XRCC6: variants seen among roughly 807,000 people sequenced by gnomAD.
The protein encoded by XRCC6 is DNA repair protein Ku70.
XRCC6 carries 5 observed loss-of-function variants against 65.7 expected under a neutral mutation model. That is an observed-to-expected ratio of 0.08 (90% CI 0.04 to 0.16). The LOEUF (loss-of-function observed/expected upper bound fraction) is 0.16. Among genes scored for constraint, XRCC6 ranks in the 10% least tolerant of loss-of-function variants. The pLI is 1.00. For synonymous variants in XRCC6, 270 were observed against 270.6 expected, an observed-to-expected ratio of 1.00 and a Z score of 0.02; for missense variants, 447 against 738.1, an observed-to-expected ratio of 0.61 and a Z score of 4.57.
chr22:41,635,832 A>T (rs2067803618), intron 3 of XRCC6, among the ~76,000 whole-genome samples: 1 of 152,154 alleles, frequency 6.6e-6, no homozygotes, highest in African/African-American at 2.4e-5. Context: ...GATGTGAGCC[A>T]CTGTGCCTGG....
chr22:41,653,331 G>A (rs184838486), intron 8 of XRCC6, among the ~76,000 whole-genome samples, 198 bp from the exon 9 acceptor site: 6 of 152,282 alleles, frequency 3.9e-5, no homozygotes, highest in Admixed American at 2.6e-4. Context: ...TTGAGCTTGG[G>A]AGGTCAAGGC....
intron 3 of XRCC6, among the ~76,000 whole-genome samples, chr22:41,630,933 A>G (rs2067736578): frequency 6.6e-6 from 1 of 152,216 alleles, no homozygotes; most frequent in South Asian, 2.1e-4. Context: ...TCTATTCCAC[A>G]AAACCACCAT....
intron 12 of XRCC6, chr22:41,661,757 AAGG>A (rs2068101865): frequency 1.7e-5 from 4 of 229,916 alleles, no homozygotes; most frequent in Admixed American, 5.5e-5. Flanking sequence ...ACCCAAAAGA[AAGG>A]AGATCAATAT....
At chr22:41,649,771 C>T (rs888896160) in intron 7 of XRCC6, among the ~76,000 whole-genome samples, 4 of 151,456 alleles carry the variant, frequency 2.6e-5, no homozygotes, top group Admixed American at 2.6e-4. Flanking sequence ...AGGAGAATGG[C>T]GTGAACCCCG....
intron 2 of XRCC6, among the ~76,000 whole-genome samples, chr22:41,627,406 T>TCC (rs2147067604): frequency 6.7e-6 from 1 of 150,268 alleles, no homozygotes; most frequent in Admixed American, 6.7e-5. Flanking sequence ...AGGCCGGGAG[T>TCC]TCAAGACCAA....
chr22:41,634,915 C>G (rs543404984), intron 3 of XRCC6, among the ~76,000 whole-genome samples: 7 of 152,278 alleles, frequency 4.6e-5, no homozygotes, highest in South Asian at 2.1e-4. Flanking sequence ...TAGACCTTTC[C>G]TGTTACTGGA....
chr22:41,639,996 C>T (rs1441608216), intron 6 of XRCC6, among the ~76,000 whole-genome samples: 7 of 151,556 alleles, frequency 4.6e-5, no homozygotes, highest in Non-Finnish European at 8.8e-5. Flanking sequence ...ATATTAGAAT[C>T]CTAAAGGTTA....
At chr22:41,655,754 A>G (rs1323821169) in intron 9 of XRCC6, among the ~76,000 whole-genome samples, 1 of 151,356 alleles carries the variant, frequency 6.6e-6, no homozygotes, top group Non-Finnish European at 1.5e-5. Context: ...AATTGAGACA[A>G]GGTCTCACTA....
chr22:41,658,873 A>G lies in XRCC6; in HGVS notation c.1522+521A>G, dbSNP rs28384770. ...TTGAACTCAGGAGGCAGAGGCTGCAATGAGCCGAGATTGCACCACTGCACT... is the reference window on the plus strand; with the variant it reads ...TTGAACTCAGGAGGCAGAGGCTGCAGTGAGCCGAGATTGCACCACTGCACT... On this transcript the variant is annotated intron_variant, in intron 11 of 12. Transcript: ENST00000360079. Among the ~76,000 whole-genome samples the G allele has an allele frequency of 1.9e-4, 29 of 152,314 alleles. No homozygotes were observed. The East Asian group carries it at 4.4e-3, about 23-fold the overall frequency.
chr22:41,628,697 G>C (rs190481008), intron 3 of XRCC6, among the ~76,000 whole-genome samples: 4 of 152,214 alleles, frequency 2.6e-5, no homozygotes, highest in South Asian at 4.1e-4. Flanking sequence ...CCAGCTGGGC[G>C]TGGTGGCTCA....
chr22:41,651,775 C>A (rs1469856836), intron 8 of XRCC6, among the ~76,000 whole-genome samples: 1 of 149,852 alleles, frequency 6.7e-6, no homozygotes, highest in Non-Finnish European at 1.5e-5. Context: ...AGCCACTGCA[C>A]CTGGCCTTAT....
At chr22:41,640,111 G>T (rs949355191) in intron 6 of XRCC6, among the ~76,000 whole-genome samples, 1 of 151,942 alleles carries the variant, frequency 6.6e-6, no homozygotes, top group Non-Finnish European at 1.5e-5. Context: ...ACAACTCCTG[G>T]GCTCAGGCAG....
At chr22:41,663,115 T>C (rs1307157646) in intron 12 of XRCC6, among the ~76,000 whole-genome samples, 1 of 152,118 alleles carries the variant, frequency 6.6e-6, no homozygotes, top group Non-Finnish European at 1.5e-5. Flanking sequence ...TTTTTTTGTT[T>C]TTAGACAGTC....
At chr22:41,656,744 G>A (rs1024650046) in intron 9 of XRCC6, among the ~76,000 whole-genome samples, 159 bp from the exon 10 acceptor site, 3 of 152,148 alleles carry the variant, frequency 2.0e-5, no homozygotes, top group African/African-American at 7.2e-5. Flanking sequence ...AGTCTGTTAG[G>A]CAGATGATAA....
At chr22:41,635,598 T>C (rs987559022) in intron 3 of XRCC6, among the ~76,000 whole-genome samples, 2 of 152,124 alleles carry the variant, frequency 1.3e-5, no homozygotes, top group Non-Finnish European at 2.9e-5. Context: ...TGGACTGTAG[T>C]GGTGCAGTCT....
intron 9 of XRCC6, 83 bp downstream of exon 9, chr22:41,653,773 G>T: frequency 6.7e-7 from 1 of 1,484,788 alleles, no homozygotes; most frequent in Non-Finnish European, 9.1e-7. Context: ...CAGACCTACT[G>T]AATCATAGTC....
At chr22:41,641,974 C>T (rs939010268) in intron 6 of XRCC6, among the ~76,000 whole-genome samples, 17 of 152,024 alleles carry the variant, frequency 1.1e-4, no homozygotes, top group African/African-American at 4.1e-4. Flanking sequence ...TTTTTAGTAG[C>T]GACACAGTTT....
At position 41,637,821 on chromosome 22, in the gene XRCC6, C is replaced by G. The variant is rs891993722; in HGVS notation, c.773+30C>G. The stretch of plus-strand genomic sequence containing the variant: ...GCACTCAGCCCGGGTCAGCTGCCTA[C>G]ACTGCCCTTAAATCAGAAGCAGGCT... On this transcript the variant is annotated intron_variant, in intron 6 of 12. Transcript: ENST00000360079. 4 of 1,604,556 alleles carry G rather than the reference C, an allele frequency of 2.5e-6. No individual in the cohort carries two copies. The African/African-American group carries it at 4.0e-5, about 16-fold the overall frequency.
At chr22:41,638,556 C>T (rs896113742) in intron 6 of XRCC6, among the ~76,000 whole-genome samples, 4 of 152,010 alleles carry the variant, frequency 2.6e-5, no homozygotes, top group Non-Finnish European at 5.9e-5. Context: ...GATGCCGAGG[C>T]GGGTGGATCA....
Sources: allele counts gnomAD v4.1 joint callset (sites outside exome capture counted in the v4.1 genomes callset), GRCh38; gene constraint gnomAD v4.1.1; transcripts MANE v1.5; gene names NCBI Gene and HGNC (gene_info 2026-07-23, HGNC 2026-07-21).